Variants in SHOC1 observed in about 807,000 individuals in gnomAD.
The protein encoded by SHOC1 is protein shortage in chiasmata 1 ortholog.
SHOC1 carries 136 observed loss-of-function variants against 179.2 expected under a neutral mutation model. That is an observed-to-expected ratio of 0.76 (90% CI 0.66 to 0.87). SHOC1 has a LOEUF of 0.87. SHOC1 is among the 40% of genes least tolerant of loss of function. The probability of loss-of-function intolerance (pLI) is 0.00; values close to 1 mark genes in which losing one functional copy is unlikely to be tolerated. For missense variants in SHOC1, 1,538 were observed against 1,700.8 expected (o/e 0.90, Z 1.68); for synonymous variants, 489 against 586.6 (o/e 0.83, Z 2.41).
chr9:111,775,675 T>C (rs1000763025), intron 5 of SHOC1, 116 bp downstream of exon 5: 4 of 724,796 alleles, frequency 5.5e-6, no homozygotes, highest in South Asian at 2.3e-5. Flanking sequence ...CTTAGAGTTA[T>C]GCAGGTGGAT....
At chr9:111,757,391 C>A (rs1397353771) in intron 7 of SHOC1, among the ~76,000 whole-genome samples, 3 of 152,070 alleles carry the variant, frequency 2.0e-5, no homozygotes, top group East Asian at 3.9e-4. Flanking sequence ...CGTGAGCCAC[C>A]GCGCCCGGCC....
chr9:111,708,322 C>T (rs1239604545), intron 18 of SHOC1, among the ~76,000 whole-genome samples: 1 of 151,952 alleles, frequency 6.6e-6, no homozygotes, highest in Non-Finnish European at 1.5e-5. Context: ...CCTGCCTCAG[C>T]CTCTCAAGAA....
At chr9:111,700,248 T>A (rs1188113456) in intron 23 of SHOC1, among the ~76,000 whole-genome samples, 1 of 152,094 alleles carries the variant, frequency 6.6e-6, no homozygotes, top group Non-Finnish European at 1.5e-5. Flanking sequence ...AATAATACTG[T>A]CAAATCTACG....
Position 111,692,027 on chromosome 9 carries a change from A to T in SHOC1, c.3950T>A (p.Val1317Glu). ...ATTTATAAAACGGGGGACAACTGACACTCTCTTCTGAGTGTCAGTTGGTGA... is the reference window on the plus strand; with the variant it reads ...ATTTATAAAACGGGGGACAACTGACTCTCTCTTCTGAGTGTCAGTTGGTGA... ...IKSPTDTQKR[V>E]SVVPRFINSQ... Residue 1317 changes from valine (V) to glutamate (E), a missense_variant, in exon 27 of 28, where the codon GTG becomes GAG. Coordinates refer to ENST00000682961, the MANE Select transcript of SHOC1 (RefSeq NM_001378211.1). 6.2e-7 allele frequency: 1 copy of T among 1,612,978 alleles called. No homozygotes were observed. Among genetic ancestry groups the T allele is most frequent in the Non-Finnish European group, 8.5e-7 (1 of 1,179,618 alleles).
chr9:111,788,346 C>T (rs887794793), intron 2 of SHOC1, among the ~76,000 whole-genome samples: 10 of 152,086 alleles, frequency 6.6e-5, no homozygotes, highest in Admixed American at 3.3e-4. Context: ...AGGGTTTTGC[C>T]ATGTTGGCCA....
At position 111,735,872 on chromosome 9, in the gene SHOC1, C is replaced by T. The variant is rs143936583; in HGVS notation, c.1417+2408G>A. On this transcript the variant is annotated intron_variant, in intron 12 of 27. Transcript: ENST00000682961. The stretch of plus-strand genomic sequence containing the variant: ...TGTTGTTTCCTGACATTTTAATGAT[C>T]GCCATTCTAACTGGCGTGAGATGGT... Among the ~76,000 whole-genome samples the T allele has an allele frequency of 9.7e-4, 148 of 152,242 alleles. 1 individual carries two copies. Among genetic ancestry groups the T allele is most frequent in the African/African-American group, 3.1e-3 (127 of 41,536 alleles).
chr9:111,766,623 G>A (rs1589457710), intron 5 of SHOC1, among the ~76,000 whole-genome samples: 1 of 151,406 alleles, frequency 6.6e-6, no homozygotes, highest in Non-Finnish European at 1.5e-5. Flanking sequence ...TGGTTTTTTT[G>A]TTTTTGAAAT....
chr9:111,793,963 TGCCTCAGCCTCCC>T (rs1836535717), intron 1 of SHOC1, among the ~76,000 whole-genome samples: 1 of 152,028 alleles, frequency 6.6e-6, no homozygotes, highest in South Asian at 2.1e-4. Flanking sequence ...GCGATTCTCC[TGCCTCAGCCTCCC>T]GAGTAGCTGG....
chr9:111,715,103 C>T (rs1453166760), intron 16 of SHOC1, among the ~76,000 whole-genome samples: 1 of 152,150 alleles, frequency 6.6e-6, no homozygotes, highest in Non-Finnish European at 1.5e-5. Context: ...GCTGCTAAAA[C>T]AGCAGTGCCT....
intron 18 of SHOC1, 126 bp downstream of exon 18, chr9:111,712,973 TA>T: frequency 1.6e-6 from 1 of 637,664 alleles, no homozygotes; most frequent in Non-Finnish European, 2.7e-6. Context: ...CAATGAGTTA[TA>T]CGCTTTCTAA....
chr9:111,732,001 A>C (rs970147532), intron 12 of SHOC1, among the ~76,000 whole-genome samples: 1 of 147,278 alleles, frequency 6.8e-6, no homozygotes, highest in Admixed American at 6.7e-5. Context: ...TGTATTTTTA[A>C]AAAAAAAATT....
intron 12 of SHOC1, among the ~76,000 whole-genome samples, chr9:111,732,619 A>G (rs1833630022): frequency 6.6e-6 from 1 of 152,216 alleles, no homozygotes; most frequent in Admixed American, 6.5e-5. Context: ...TGAATCTCAG[A>G]AACATTATGC....
rs144598710 is a variant in SHOC1, at chr9:111,711,613, A to G, written c.2488+1487T>C. Among the ~76,000 whole-genome samples, 30 of 152,310 alleles carry G rather than the reference A, an allele frequency of 2.0e-4. No homozygotes were observed. In the East Asian group the frequency reaches 4.6e-3, roughly 23 times the overall value. Reference sequence around the variant, plus strand: ...TGGTTTTTCTACAACAATGGTAGGGAAGGAAACTGAGGAGGATACTTAAAT... The same window carrying G: ...TGGTTTTTCTACAACAATGGTAGGGGAGGAAACTGAGGAGGATACTTAAAT... On this transcript the variant is annotated intron_variant, in intron 18 of 27. Coordinates refer to ENST00000682961, the MANE Select transcript of SHOC1 (RefSeq NM_001378211.1).
chr9:111,757,588 G>T (rs1289041973), intron 7 of SHOC1, among the ~76,000 whole-genome samples: 1 of 152,118 alleles, frequency 6.6e-6, no homozygotes, highest in Admixed American at 6.5e-5. Context: ...CCTTTAATAT[G>T]CAAAAGATGC....
At chr9:111,741,439 A>G (rs752988815) in intron 11 of SHOC1, 37 bp downstream of exon 11, 3 of 1,167,340 alleles carry the variant, frequency 2.6e-6, no homozygotes, top group Non-Finnish European at 2.5e-6. Flanking sequence ...TTTTACCTAT[A>G]CTTTCTATTT....
chr9:111,789,745 T>A (rs315705), intron 2 of SHOC1, among the ~76,000 whole-genome samples: 1 of 152,060 alleles, frequency 6.6e-6, no homozygotes, highest in Non-Finnish European at 1.5e-5. Context: ...AACCAAAATA[T>A]CGTGGGCAAA....
chr9:111,691,413 T>A, intron 27 of SHOC1, 138 bp downstream of exon 27: 1 of 738,274 alleles, frequency 1.4e-6, no homozygotes, highest in South Asian at 2.1e-5. Context: ...GAGTTTAGAT[T>A]TTCTCTTTTA....
intron 12 of SHOC1, among the ~76,000 whole-genome samples, chr9:111,734,425 T>G (rs567319154): frequency 2.0e-5 from 3 of 152,194 alleles, no homozygotes; most frequent in Non-Finnish European, 4.4e-5. Flanking sequence ...TATTTAACAT[T>G]CTTATTCCAC....
chr9:111,688,357 T>TTATCCATATATTATTTATATATGGA (rs1321314708), intron 27 of SHOC1, among the ~76,000 whole-genome samples: 11 of 152,294 alleles, frequency 7.2e-5, no homozygotes, highest in East Asian at 3.9e-4. Context: ...CTCCAATTTA[T>TTATCCATATATTATTTATATATGGA]TATCCATATA....
Sources: allele counts gnomAD v4.1 joint callset (sites outside exome capture counted in the v4.1 genomes callset), GRCh38; gene constraint gnomAD v4.1.1; transcripts MANE v1.5; gene names NCBI Gene and HGNC (gene_info 2026-07-23, HGNC 2026-07-21).